SV2C: variants seen among roughly 807,000 people sequenced by gnomAD.
SV2C encodes solute carrier family 22 member B3.
SV2C carries 49 observed loss-of-function variants against 79.7 expected under a neutral mutation model. The observed-to-expected ratio is 0.61, with a 90% CI of 0.49 to 0.78. The LOEUF (loss-of-function observed/expected upper bound fraction) is 0.78, where lower values mean the gene tolerates loss of function less well. Ranked by LOEUF, SV2C falls within the 30% of genes least tolerant of loss-of-function variation. The probability of loss-of-function intolerance (pLI) is 0.00; values close to 1 mark genes in which losing one functional copy is unlikely to be tolerated. For missense variants in SV2C, 833 were observed against 912.9 expected, an observed-to-expected ratio of 0.91 and a Z score of 1.13; for synonymous variants, 334 against 333.2, an observed-to-expected ratio of 1.00 and a Z score of -0.03.
At chr5:76,238,733 A>G (rs534800457) in intron 4 of SV2C, among the ~76,000 whole-genome samples, 15 of 152,170 alleles carry the variant, frequency 9.9e-5, no homozygotes, top group Non-Finnish European at 1.9e-4. Context: ...AAAACGAACA[A>G]TTCATTTTCC....
At chr5:76,195,846 C>T (rs1744256143) in intron 3 of SV2C, among the ~76,000 whole-genome samples, 1 of 152,052 alleles carries the variant, frequency 6.6e-6, no homozygotes, top group South Asian at 2.1e-4. Context: ...ATAATCTGTA[C>T]AACAAACCCC....
chr5:75,975,277 A>G, the SV2C span, among the ~76,000 whole-genome samples: 11 of 152,260 alleles, frequency 7.2e-5, no homozygotes, highest in South Asian at 2.3e-3. Flanking sequence ...ATGTATTTTT[A>G]TGGTTTTAAT....
chr5:76,229,046 C>A (rs1017374291), intron 4 of SV2C, among the ~76,000 whole-genome samples: 3 of 152,216 alleles, frequency 2.0e-5, no homozygotes, highest in Non-Finnish European at 4.4e-5. Flanking sequence ...ATGCCTTTTC[C>A]CCTCCTCCCC....
intron 1 of SV2C, among the ~76,000 whole-genome samples, chr5:76,113,986 G>A (rs1421976270): frequency 2.6e-5 from 4 of 152,134 alleles, no homozygotes; most frequent in South Asian, 2.1e-4. Context: ...GACCTGCCTC[G>A]AATGGCGTTT....
At chr5:75,933,732 C>CAGTGAGGAGGAAG in the SV2C span, among the ~76,000 whole-genome samples, 12 of 152,324 alleles carry the variant, frequency 7.9e-5, no homozygotes, top group African/African-American at 2.6e-4. Context: ...CCTCACTTTC[C>CAGTGAGGAGGAAG]TGTCTTAATT....
the SV2C span, among the ~76,000 whole-genome samples, chr5:75,986,425 G>A: frequency 3.3e-5 from 5 of 151,806 alleles, no homozygotes; most frequent in African/African-American, 1.2e-4. Flanking sequence ...GCTATTAGAG[G>A]CTAGAAAAGG....
intron 4 of SV2C, among the ~76,000 whole-genome samples, chr5:76,240,606 T>C (rs2112419449): frequency 6.6e-6 from 1 of 152,326 alleles, no homozygotes; most frequent in African/African-American, 2.4e-5. Flanking sequence ...TGAGTCCCTC[T>C]TGTTCCTAGC....
At chr5:76,151,935 C>G (rs1377047506) in intron 2 of SV2C, among the ~76,000 whole-genome samples, 1 of 152,176 alleles carries the variant, frequency 6.6e-6, no homozygotes, top group Non-Finnish European at 1.5e-5. Context: ...AGAGATGGAA[C>G]TTGGGCAATC....
chr5:76,074,966 G>T, the SV2C span, among the ~76,000 whole-genome samples: 1 of 152,288 alleles, frequency 6.6e-6, no homozygotes, highest in South Asian at 2.1e-4. Context: ...CTCTTTTAGG[G>T]CTGGAGAGAG....
chr5:75,857,167 C>T, the SV2C span, among the ~76,000 whole-genome samples: 3 of 152,094 alleles, frequency 2.0e-5, no homozygotes, highest in South Asian at 6.2e-4. Flanking sequence ...CCGTGTTAGC[C>T]AGGATGGTCT....
At chr5:76,034,784 C>T in the SV2C span, among the ~76,000 whole-genome samples, 3 of 152,130 alleles carry the variant, frequency 2.0e-5, no homozygotes, top group Non-Finnish European at 4.4e-5. Flanking sequence ...AAGGAGGATT[C>T]CCTCTTTTTC....
the SV2C span, among the ~76,000 whole-genome samples, chr5:76,022,276 G>T: frequency 7.9e-5 from 12 of 152,270 alleles, no homozygotes; most frequent in African/African-American, 1.4e-4. Flanking sequence ...GTACCTGACT[G>T]CCCATGAGTG....
chr5:75,950,138 A>G, the SV2C span, among the ~76,000 whole-genome samples: 1 of 152,076 alleles, frequency 6.6e-6, no homozygotes, highest in African/African-American at 2.4e-5. Flanking sequence ...GTTTATACGC[A>G]TTGCAAAAAT....
chr5:76,139,989 A>G (rs1327665033), intron 2 of SV2C, among the ~76,000 whole-genome samples: 1 of 151,560 alleles, frequency 6.6e-6, no homozygotes, highest in African/African-American at 2.4e-5. Context: ...AAATATTTCT[A>G]AATAATTCTA....
intron 3 of SV2C, among the ~76,000 whole-genome samples, chr5:76,196,867 A>G (rs532383452): frequency 1.3e-5 from 2 of 152,346 alleles, no homozygotes; most frequent in African/African-American, 4.8e-5. Context: ...ACTGTAGAGA[A>G]AAAGGTCCAC....
intron 4 of SV2C, among the ~76,000 whole-genome samples, chr5:76,227,908 GCTGAGAC>G (rs1404499940): frequency 6.6e-6 from 1 of 152,202 alleles, no homozygotes; most frequent in Non-Finnish European, 1.5e-5. Flanking sequence ...GGCTCACTTA[GCTGAGAC>G]CTCTGCAGGA....
chr5:75,872,760 A>AATAT, the SV2C span, among the ~76,000 whole-genome samples: 8 of 152,026 alleles, frequency 5.3e-5, no homozygotes, highest in Non-Finnish European at 1.2e-4. Context: ...AAATACGAAA[A>AATAT]ATATGGGGGA....
chr5:75,921,506 GC>G, the SV2C span: 1 of 804,484 alleles, frequency 1.2e-6, no homozygotes, highest in Non-Finnish European at 2.2e-6. Context: ...TCTTGCAATG[GC>G]CAGGGCTGTG....
At chr5:76,322,208 C>T (rs141131225) in intron 12 of SV2C, among the ~76,000 whole-genome samples, 14,382 of 152,136 alleles carry the variant, frequency 0.095, 957 homozygotes, top group South Asian at 0.14. Context: ...ACAAAATCAA[C>T]GTGCAAAAAT....
Sources: allele counts gnomAD v4.1 joint callset (sites outside exome capture counted in the v4.1 genomes callset), GRCh38; gene constraint gnomAD v4.1.1; transcripts MANE v1.5; gene names NCBI Gene and HGNC (gene_info 2026-07-23, HGNC 2026-07-21).